Variants in CIMIP2C observed in about 807,000 individuals in gnomAD.
CIMIP2C encodes the protein UPF0573 protein C2orf70.
chr2:26,577,699 C>A, the CIMIP2C span: 1 of 1,076,964 alleles, frequency 9.3e-7, no homozygotes, highest in Non-Finnish European at 1.4e-6. Context: ...CTCGGCCAGG[C>A]ATGCACAGCA....
the CIMIP2C span, among the ~76,000 whole-genome samples, chr2:26,563,579 G>A: frequency 6.6e-6 from 1 of 152,172 alleles, no homozygotes; most frequent in Admixed American, 6.5e-5. Context: ...TGTATAGAAT[G>A]AATGAATGAT....
chr2:26,568,615 C>T, the CIMIP2C span, among the ~76,000 whole-genome samples: 1 of 152,246 alleles, frequency 6.6e-6, no homozygotes, highest in Non-Finnish European at 1.5e-5. Context: ...CACAGAACAT[C>T]CACTGGGTGC....
the CIMIP2C span, among the ~76,000 whole-genome samples, chr2:26,569,138 C>T: frequency 6.6e-6 from 1 of 151,942 alleles, no homozygotes; most frequent in Non-Finnish European, 1.5e-5. Flanking sequence ...GTCATGGAGG[C>T]TCCATGGGAA....
the CIMIP2C span, among the ~76,000 whole-genome samples, chr2:26,572,494 G>A: frequency 6.6e-6 from 1 of 152,120 alleles, no homozygotes; most frequent in African/African-American, 2.4e-5. Flanking sequence ...GTGACCGCCT[G>A]GCTGGTGTGG....
At chr2:26,563,055 G>T in the CIMIP2C span, 1 of 256,466 alleles carries the variant, frequency 3.9e-6, no homozygotes, top group Non-Finnish European at 7.4e-6. Context: ...GAAAATGCGA[G>T]AAAATCAGGC....
chr2:26,573,823 G>A, the CIMIP2C span, among the ~76,000 whole-genome samples: 1 of 152,288 alleles, frequency 6.6e-6, no homozygotes, highest in South Asian at 2.1e-4. Flanking sequence ...TCTCCCCTCT[G>A]CAGCCTCATT....
chr2:26,572,349 GTT>G, the CIMIP2C span, among the ~76,000 whole-genome samples: 2,473 of 138,660 alleles, frequency 0.018, 57 homozygotes, highest in African/African-American at 0.057. Flanking sequence ...TACTGAGTTG[GTT>G]TTTTTTTTTT....
the CIMIP2C span, chr2:26,579,174 C>T: frequency 8.3e-7 from 1 of 1,206,162 alleles, no homozygotes; most frequent in Non-Finnish European, 1.2e-6. Context: ...AGGTGTTAAA[C>T]TGACGAGTAG....
At chr2:26,574,517 C>T in the CIMIP2C span, among the ~76,000 whole-genome samples, 4 of 152,132 alleles carry the variant, frequency 2.6e-5, no homozygotes, top group African/African-American at 7.2e-5. Context: ...GGGAGACATC[C>T]AAGGGATATG....
At chr2:26,567,971 A>C in the CIMIP2C span, among the ~76,000 whole-genome samples, 3 of 152,266 alleles carry the variant, frequency 2.0e-5, no homozygotes, top group Middle Eastern at 3.4e-3. Flanking sequence ...TCCTGTTTTC[A>C]AGCATTTGAA....
At chr2:26,575,816 A>G in the CIMIP2C span, 35 of 1,487,824 alleles carry the variant, frequency 2.4e-5, 1 homozygote, top group Non-Finnish European at 3.2e-5. Context: ...GAGCCACAGC[A>G]TCCTCCACTT....
chr2:26,565,109 T>A, the CIMIP2C span, among the ~76,000 whole-genome samples: 2 of 151,594 alleles, frequency 1.3e-5, no homozygotes, highest in African/African-American at 2.4e-5. Flanking sequence ...CTTCTTTTTT[T>A]AATGGAGTCT....
At chr2:26,567,169 T>C in the CIMIP2C span, among the ~76,000 whole-genome samples, 1 of 152,220 alleles carries the variant, frequency 6.6e-6, no homozygotes, top group South Asian at 2.1e-4. Context: ...ATGGTTTGGC[T>C]GTGTCCCCAC....
At chr2:26,576,742 G>A in the CIMIP2C span, among the ~76,000 whole-genome samples, 91 of 152,322 alleles carry the variant, frequency 6.0e-4, 1 homozygote, top group Admixed American at 4.6e-3. Flanking sequence ...CAGGGAGTGA[G>A]CTCGAGGAAG....
the CIMIP2C span, among the ~76,000 whole-genome samples, chr2:26,572,983 G>A: frequency 3.3e-5 from 5 of 152,216 alleles, no homozygotes; most frequent in African/African-American, 7.2e-5. Flanking sequence ...TCTACAGCAC[G>A]AAGTGCTCTC....
chr2:26,565,051 C>T, the CIMIP2C span, among the ~76,000 whole-genome samples: 5 of 151,742 alleles, frequency 3.3e-5, no homozygotes, highest in Non-Finnish European at 2.9e-5. Flanking sequence ...CCTTCTCCTT[C>T]TCCTTCTTCT....
the CIMIP2C span, chr2:26,562,663 C>A: frequency 7.6e-6 from 12 of 1,581,920 alleles, no homozygotes; most frequent in South Asian, 1.3e-4. Flanking sequence ...ATGCCGCCTA[C>A]GTGCCCCCTG....
the CIMIP2C span, chr2:26,572,028 A>T: frequency 1.4e-6 from 2 of 1,382,280 alleles, no homozygotes; most frequent in Non-Finnish European, 1.9e-6. Flanking sequence ...AAAAGATCCC[A>T]CTATAGGAGA....
the CIMIP2C span, chr2:26,578,867 C>A: frequency 2.1e-6 from 1 of 471,940 alleles, no homozygotes. Context: ...AGTGACAGGC[C>A]TGGGGCAAGC....
Sources: gnomAD v4.1 joint callset for allele counts (sites outside exome capture counted in the v4.1 genomes callset) on GRCh38, gnomAD v4.1.1 for gene constraint, MANE v1.5 for transcripts, NCBI Gene and HGNC (gene_info 2026-07-23, HGNC 2026-07-21) for gene names.